The following DNAH7 variants were observed in gnomAD, a reference collection of about 807,000 sequenced individuals.
The protein encoded by DNAH7 is dynein axonemal heavy chain 7, also known as axonemal beta dynein heavy chain 7.
A neutral mutation model predicts 444.6 loss-of-function variants in DNAH7; 397 were observed. That is an observed-to-expected ratio of 0.89 (90% CI 0.82 to 0.97). The LOEUF (loss-of-function observed/expected upper bound fraction) is 0.97. Among genes scored for constraint, DNAH7 ranks in the 50% least tolerant of loss-of-function variants. The pLI, the probability that DNAH7 is intolerant of heterozygous loss-of-function variation, is 0.00. For missense variants in DNAH7, 4,902 were observed against 4,800.8 expected, an observed-to-expected ratio of 1.02 and a Z score of -0.62; for synonymous variants, 1,636 against 1,624.4, an observed-to-expected ratio of 1.01 and a Z score of -0.17.
In DNAH7 at chr2:195,885,721, T is replaced by TAC. The variant is rs992026113; in HGVS notation, c.5538+418_5538+419dup. On this transcript the variant is annotated intron_variant, in intron 34 of 64. Transcript: ENST00000312428. The stretch of plus-strand genomic sequence containing the variant: ...TTTCCTTAATCCAAATATCTATTTA[T>TAC]ACACACACACACATACAAATAATTT... Among the ~76,000 whole-genome samples, 30 of 152,070 alleles carry TAC rather than the reference T, an allele frequency of 2.0e-4. 1 individual carries two copies. The highest frequency in any genetic ancestry group is 5.8e-4 in the African/African-American group (24 of 41,482).
chr2:195,912,452 C>G (rs1008106998), intron 24 of DNAH7, among the ~76,000 whole-genome samples: 2 of 152,190 alleles, frequency 1.3e-5, no homozygotes. Flanking sequence ...AGGTCCAGAT[C>G]CCGAGAGCCA....
Position 195,853,545 on chromosome 2 carries a change from A to G in DNAH7, c.8596-17T>C, listed in dbSNP as rs1308585396. 1.9e-6 allele frequency: 3 copies of G among 1,598,682 alleles called. No individual in the cohort carries two copies. The highest frequency in any genetic ancestry group is 1.7e-6 in the Non-Finnish European group (2 of 1,171,308). On this transcript the variant is annotated splice_polypyrimidine_tract_variant and intron_variant, in intron 45 of 64. Transcript: ENST00000312428. ...AAGGTCAACCTCGAAAATAAAAGTG[A>G]GCTTTTATCAACATTTACAAGTATA...
intron 1 of DNAH7, 91 bp downstream of exon 1, chr2:196,068,606 A>AG: frequency 2.0e-6 from 3 of 1,515,970 alleles, no homozygotes; most frequent in Non-Finnish European, 2.7e-6. Context: ...ACAGCTGGGG[A>AG]GTTCGCTAGG....
In DNAH7 at chr2:195,910,945, A is replaced by T. The variant is rs115278466; in HGVS notation, c.3936-750T>A. ...GTCATGGGCACATTAATCCAAAATGATAAATTAACATTTTGTTCTGAACCA... is the reference window on the plus strand; with the variant it reads ...GTCATGGGCACATTAATCCAAAATGTTAAATTAACATTTTGTTCTGAACCA... On this transcript the variant is annotated intron_variant, in intron 24 of 64. Transcript: ENST00000312428. Among the ~76,000 whole-genome samples the T allele has an allele frequency of 1.5e-3, 227 of 152,328 alleles. 1 individual carries two copies. Among genetic ancestry groups the T allele is most frequent in the African/African-American group, 5.0e-3 (207 of 41,558 alleles).
intron 21 of DNAH7, among the ~76,000 whole-genome samples, chr2:195,932,246 T>C (rs981651351): frequency 6.6e-6 from 1 of 152,314 alleles, no homozygotes; most frequent in African/African-American, 2.4e-5. Context: ...ATAAGAATGC[T>C]TGTGATTTTT....
chr2:195,858,426 T>C, intron 43 of DNAH7, 48 bp downstream of exon 43: 1 of 1,419,192 alleles, frequency 7.0e-7, no homozygotes. Context: ...ATTTCTTTCT[T>C]GGGCTATGAT....
At chr2:196,021,405 C>T (rs1157818479) in intron 8 of DNAH7, among the ~76,000 whole-genome samples, 3 of 152,034 alleles carry the variant, frequency 2.0e-5, no homozygotes, top group Non-Finnish European at 4.4e-5. Flanking sequence ...CAAGACCACC[C>T]CCATAAGGCA....
At position 195,824,410 on chromosome 2, in the gene DNAH7, T is replaced by C. The variant is rs149149520; in HGVS notation, c.9136A>G (p.Ile3046Val). ...LENVGEELDP[I>V]LEPLLLKQTF... ...TGTTTTAGTAGAAGAGGTTCCAAAA[T>C]AGGATCTAGTTCTTCGCCAACATTT... Residue 3046 changes from isoleucine (I) to valine (V), a missense_variant, in exon 49 of 65, where the codon ATT becomes GTT. Coordinates refer to ENST00000312428, the MANE Select transcript of DNAH7 (RefSeq NM_018897.3). 21 of 1,611,112 alleles carry C rather than the reference T, an allele frequency of 1.3e-5. No individual in the cohort carries two copies. In the East Asian group the frequency reaches 4.5e-4, roughly 34 times the overall value.
intron 20 of DNAH7, among the ~76,000 whole-genome samples, chr2:195,935,687 G>A (rs199559964): frequency 1.3e-5 from 2 of 152,264 alleles, no homozygotes; most frequent in East Asian, 3.9e-4. Flanking sequence ...AGGAAAATAA[G>A]TCCAGGAAAG....
At chr2:196,058,368 T>C (rs1383442521) in intron 1 of DNAH7, among the ~76,000 whole-genome samples, 1 of 152,182 alleles carries the variant, frequency 6.6e-6, no homozygotes, top group Admixed American at 6.5e-5. Context: ...ATCAAATATA[T>C]ATAGGATACG....
In DNAH7 at chr2:195,936,704, C is replaced by T. The variant is rs765912339; in HGVS notation, c.3167G>A (p.Gly1056Glu). The change falls in exon 20 of 65, where the codon GGA becomes GAA. Residue 1056 changes from glycine to glutamate, a missense_variant. By Grantham distance (98) the Gly-to-Glu change is moderately conservative. Coordinates refer to ENST00000312428, the MANE Select transcript of DNAH7 (RefSeq NM_018897.3). The stretch of plus-strand genomic sequence containing the variant: ...TTTCTTTTCCAAATATTCATTAAGT[C>T]CTTTAAGAATGAGCTCCAAAAGTTC... ...SNELLELILK[G>E]LNEYLEKKRL... 6.9e-6 allele frequency: 11 copies of T among 1,603,110 alleles called. No homozygotes were observed. The South Asian group carries it at 1.1e-4, about 17-fold the overall frequency.
At chr2:195,744,536 G>T (rs370208220) in intron 63 of DNAH7, among the ~76,000 whole-genome samples, 1 of 152,178 alleles carries the variant, frequency 6.6e-6, no homozygotes, top group Non-Finnish European at 1.5e-5. Flanking sequence ...ATATGAGAAC[G>T]GGCAGACTGC....
At chr2:195,819,782 A>G (rs1314983105) in intron 49 of DNAH7, among the ~76,000 whole-genome samples, 1 of 152,196 alleles carries the variant, frequency 6.6e-6, no homozygotes, top group East Asian at 1.9e-4. Flanking sequence ...GTCAAGAGAA[A>G]GAAGAGGGCA....
chr2:195,827,850 T>G (rs1424075586), intron 48 of DNAH7, among the ~76,000 whole-genome samples: 2 of 152,184 alleles, frequency 1.3e-5, no homozygotes, highest in Non-Finnish European at 2.9e-5. Flanking sequence ...GTGCTACGAT[T>G]ACAGGAATGA....
rs1156585981 is a variant in DNAH7, at chr2:195,871,707, G to GT, written c.6633+542_6633+543insA. On this transcript the variant is annotated intron_variant, in intron 40 of 64. Transcript: ENST00000312428. ...AGGATTAAACTACTTAAGGGAAGGC[G>GT]GATCACGAGGTCAGGAGATCGAGAC... 7.8e-4 allele frequency among the ~76,000 whole-genome samples: 101 copies of GT among 130,192 alleles called. 2 individuals are homozygous for GT. Among genetic ancestry groups the GT allele is most frequent in the Middle Eastern group, 3.7e-3 (1 of 272 alleles). The allele number at this position is 130,192 out of a possible 152,430, so 85.4% of individuals were successfully genotyped here. A position where few individuals can be genotyped will look rare whatever the true frequency, so the allele number is the denominator to read the frequency against.
chr2:195,895,889 G>A (rs2125244160), intron 29 of DNAH7, among the ~76,000 whole-genome samples: 1 of 152,168 alleles, frequency 6.6e-6, no homozygotes, highest in Non-Finnish European at 1.5e-5. Flanking sequence ...GGTATCAATA[G>A]TTTATTCTTT....
chr2:195,828,936 T>G (rs1038210416), intron 48 of DNAH7, among the ~76,000 whole-genome samples: 5 of 152,180 alleles, frequency 3.3e-5, no homozygotes, highest in Non-Finnish European at 7.4e-5. Context: ...GTTTTGTGGC[T>G]TACTACTCTC....
intron 24 of DNAH7, among the ~76,000 whole-genome samples, chr2:195,920,378 A>G (rs1472885217): frequency 6.6e-6 from 1 of 152,208 alleles, no homozygotes; most frequent in Non-Finnish European, 1.5e-5. Flanking sequence ...AGGCACACAG[A>G]CAAATGGAAC....
chr2:196,030,347 CATGTGGT>C (rs1250253163), intron 5 of DNAH7, among the ~76,000 whole-genome samples: 35 of 152,342 alleles, frequency 2.3e-4, no homozygotes, highest in African/African-American at 8.4e-4. Flanking sequence ...CCTCCCACAA[CATGTGGT>C]AATTATGGGA....
Sources: gnomAD v4.1 joint callset for allele counts (sites outside exome capture counted in the v4.1 genomes callset) on GRCh38, gnomAD v4.1.1 for gene constraint, MANE v1.5 for transcripts, NCBI Gene and HGNC (gene_info 2026-07-23, HGNC 2026-07-21) for gene names.